GALNT13: variants seen among roughly 807,000 people sequenced by gnomAD.
GALNT13 encodes polypeptide N-acetylgalactosaminyltransferase 13.
In GALNT13, 28 loss-of-function variants were observed where a neutral mutation model predicts 64.2. That is an observed-to-expected ratio of 0.44 (90% CI 0.32 to 0.60). GALNT13 has a LOEUF of 0.60. Among genes scored for constraint, GALNT13 ranks in the 20% least tolerant of loss-of-function variants. GALNT13 has a pLI of 0.05. For missense variants in GALNT13, 577 were observed against 669.8 expected (o/e 0.86, Z 1.53); for synonymous variants, 214 against 224.6 (o/e 0.95, Z 0.42).
the GALNT13 span, among the ~76,000 whole-genome samples, chr2:153,426,244 A>C: frequency 6.6e-6 from 1 of 151,954 alleles, no homozygotes; most frequent in African/African-American, 2.4e-5. Context: ...TACTTGCTCA[A>C]TTTCATAGCT....
At chr2:153,743,939 C>T in the GALNT13 span, among the ~76,000 whole-genome samples, 1 of 152,102 alleles carries the variant, frequency 6.6e-6, no homozygotes, top group Admixed American at 6.6e-5. Context: ...TCTTCCTGTG[C>T]CTGGCTTATT....
chr2:153,776,784 G>A, the GALNT13 span, among the ~76,000 whole-genome samples: 5 of 152,106 alleles, frequency 3.3e-5, no homozygotes, highest in Non-Finnish European at 5.9e-5. Flanking sequence ...TAGTGCAGCC[G>A]GGCTTTGTGC....
the GALNT13 span, among the ~76,000 whole-genome samples, chr2:153,754,354 G>A: frequency 6.6e-6 from 1 of 151,096 alleles, no homozygotes; most frequent in African/African-American, 2.4e-5. Context: ...TAGTACCTGG[G>A]TATATTGTTG....
the GALNT13 span, among the ~76,000 whole-genome samples, chr2:153,837,728 G>A: frequency 3.3e-5 from 5 of 151,980 alleles, no homozygotes; most frequent in South Asian, 2.1e-4. Context: ...TGCAATGCAC[G>A]TGGGAATGCA....
At chr2:153,101,066 A>G in the GALNT13 span, among the ~76,000 whole-genome samples, 1 of 152,110 alleles carries the variant, frequency 6.6e-6, no homozygotes, top group African/African-American at 2.4e-5. Context: ...TCTAATATCT[A>G]TGTATATTTA....
chr2:153,273,118 G>C, the GALNT13 span, among the ~76,000 whole-genome samples: 3 of 152,098 alleles, frequency 2.0e-5, no homozygotes, highest in Non-Finnish European at 4.4e-5. Context: ...AATACACACC[G>C]GGGCCTGTCA....
At chr2:154,041,261 A>C (rs1408646987) in intron 3 of GALNT13, among the ~76,000 whole-genome samples, 1 of 140,504 alleles carries the variant, frequency 7.1e-6, no homozygotes, top group African/African-American at 2.4e-5. Context: ...TGAAGACCTC[A>C]ATTGAAGTTT....
intron 8 of GALNT13, 88 bp from the exon 9 acceptor site, chr2:154,301,321 G>A: frequency 4.4e-6 from 5 of 1,136,812 alleles, no homozygotes; most frequent in Non-Finnish European, 6.4e-6. Context: ...CTTGAAACAT[G>A]TAAAATACGA....
intron 3 of GALNT13, among the ~76,000 whole-genome samples, chr2:153,986,688 A>G (rs1224353202): frequency 1.3e-5 from 2 of 151,960 alleles, no homozygotes; most frequent in Admixed American, 6.6e-5. Flanking sequence ...AACTAGCAAA[A>G]CAGCCTTTGT....
chr2:153,986,814 G>T (rs756252947), intron 3 of GALNT13, among the ~76,000 whole-genome samples: 2 of 152,088 alleles, frequency 1.3e-5, no homozygotes, highest in African/African-American at 2.4e-5. Flanking sequence ...TGGGCAAAAG[G>T]CTGCTCGTGC....
intron 3 of GALNT13, among the ~76,000 whole-genome samples, chr2:154,063,172 T>A (rs935833560): frequency 2.0e-5 from 3 of 152,164 alleles, no homozygotes; most frequent in Non-Finnish European, 4.4e-5. Context: ...TTTCAATCCC[T>A]TATATATATC....
chr2:153,347,528 A>G, the GALNT13 span, among the ~76,000 whole-genome samples: 1 of 152,220 alleles, frequency 6.6e-6, no homozygotes, highest in African/African-American at 2.4e-5. Context: ...GTTTAAAAAA[A>G]CTGAAGTTGA....
chr2:153,454,022 T>TA, the GALNT13 span, among the ~76,000 whole-genome samples: 62 of 152,028 alleles, frequency 4.1e-4, no homozygotes, highest in Middle Eastern at 3.4e-3. Context: ...AGAAAAATAA[T>TA]AAAAAAATAC....
chr2:154,442,479 T>G (rs566083388), intron 12 of GALNT13, among the ~76,000 whole-genome samples: 3 of 152,204 alleles, frequency 2.0e-5, no homozygotes, highest in Admixed American at 2.0e-4. Context: ...CTGGGCATCA[T>G]TAGCAAAATT....
At chr2:153,724,570 A>G in the GALNT13 span, among the ~76,000 whole-genome samples, 3 of 110,768 alleles carry the variant, frequency 2.7e-5, no homozygotes, top group African/African-American at 9.0e-5. Context: ...ACAAAGGGCT[A>G]ATATCCAGAA....
the GALNT13 span, among the ~76,000 whole-genome samples, chr2:153,617,179 T>C: frequency 6.6e-6 from 1 of 151,994 alleles, no homozygotes; most frequent in Non-Finnish European, 1.5e-5. Flanking sequence ...TTTCTCCATT[T>C]AGTATGATAC....
the GALNT13 span, among the ~76,000 whole-genome samples, chr2:153,240,084 T>C: frequency 2.6e-5 from 4 of 152,192 alleles, no homozygotes; most frequent in East Asian, 1.9e-4. Flanking sequence ...CCATTTCTTC[T>C]AGGTTTTTCC....
intron 4 of GALNT13, among the ~76,000 whole-genome samples, chr2:154,165,739 G>A (rs992260763): frequency 2.0e-5 from 3 of 152,160 alleles, no homozygotes; most frequent in Admixed American, 2.0e-4. Flanking sequence ...TTACCAAAGG[G>A]CACTGATTGT....
At chr2:153,473,062 A>C in the GALNT13 span, among the ~76,000 whole-genome samples, 1 of 152,140 alleles carries the variant, frequency 6.6e-6, no homozygotes, top group South Asian at 2.1e-4. Flanking sequence ...GAGGGATAGC[A>C]TTAGGAGAAA....
Sources: gnomAD v4.1 joint callset for allele counts (sites outside exome capture counted in the v4.1 genomes callset) on GRCh38, gnomAD v4.1.1 for gene constraint, MANE v1.5 for transcripts, NCBI Gene and HGNC (gene_info 2026-07-23, HGNC 2026-07-21) for gene names.